CNTNAP2: variants seen among roughly 807,000 people sequenced by gnomAD.
CNTNAP2 encodes the protein contactin-associated protein-like 2.
In CNTNAP2, 98 loss-of-function variants were observed where a neutral mutation model predicts 155.2. That is an observed-to-expected ratio of 0.63 (90% CI 0.54 to 0.75). CNTNAP2 has a LOEUF of 0.75. Ranked by LOEUF, CNTNAP2 falls within the 30% of genes least tolerant of loss-of-function variation. The pLI is 0.00. For synonymous variants in CNTNAP2, 651 were observed against 631.2 expected (o/e 1.03, Z -0.47); for missense variants, 1,727 against 1,688.1 (o/e 1.02, Z -0.40).
chr7:147,208,748 A>G (rs1315749157), intron 8 of CNTNAP2, among the ~76,000 whole-genome samples: 2 of 152,070 alleles, frequency 1.3e-5, no homozygotes, highest in Admixed American at 6.6e-5. Context: ...TATGAAGGGC[A>G]TAATCAATGT....
At chr7:146,430,914 C>A (rs73738769) in intron 1 of CNTNAP2, among the ~76,000 whole-genome samples, 1 of 152,000 alleles carries the variant, frequency 6.6e-6, no homozygotes, top group South Asian at 2.1e-4. Context: ...AACAGTTAAT[C>A]TATTCGTCGT....
chr7:147,639,237 G>A lies in CNTNAP2; in HGVS notation c.2029G>A (p.Asp677Asn). 1 of 1,614,138 alleles carries A rather than the reference G, an allele frequency of 6.2e-7. No individual in the cohort carries two copies. The highest frequency in any genetic ancestry group is 8.5e-7 in the Non-Finnish European group (1 of 1,179,998). ...CATGGACCAGATAAGTGCCATCACT[G>A]ACAGTGCCGAGTACTGCGAGCAGTA... Reference protein sequence around the residue: ...ASMDQISAITDSAEYCEQYVS... With the variant: ...ASMDQISAITNSAEYCEQYVS... Residue 677 changes from aspartate to asparagine, a missense_variant, in exon 13 of 24, where the codon GAC becomes AAC. Physicochemically the swap from Asp to Asn is conservative, Grantham distance 23. Transcript: ENST00000361727.
chr7:146,300,856 A>G (rs1210699347), intron 1 of CNTNAP2, among the ~76,000 whole-genome samples: 1 of 152,168 alleles, frequency 6.6e-6, no homozygotes, highest in Non-Finnish European at 1.5e-5. Context: ...GTTAACTCTC[A>G]GTTTCCTGAC....
At chr7:148,327,696 C>G (rs575242264) in intron 21 of CNTNAP2, among the ~76,000 whole-genome samples, 120 of 152,294 alleles carry the variant, frequency 7.9e-4, no homozygotes, top group Middle Eastern at 3.4e-3. Flanking sequence ...AATAGACACT[C>G]ACTGTCTTGC....
chr7:146,570,164 C>T lies in CNTNAP2; in HGVS notation c.98-204107C>T, dbSNP rs1174397941. Among the ~76,000 whole-genome samples the T allele has an allele frequency of 2.6e-5, 4 of 152,192 alleles. No homozygotes were observed. In the South Asian group the frequency reaches 6.2e-4, roughly 24 times the overall value. On this transcript the variant is annotated intron_variant, in intron 1 of 23. Transcript: ENST00000361727. ...ACCTTATTACTACAGAAAAAAATTCCATGATGAAACCTGAAGTGCTTTAAT... is the reference window on the plus strand; with the variant it reads ...ACCTTATTACTACAGAAAAAAATTCTATGATGAAACCTGAAGTGCTTTAAT...
intron 21 of CNTNAP2, among the ~76,000 whole-genome samples, chr7:148,316,633 C>T (rs1369528136): frequency 6.6e-6 from 1 of 151,846 alleles, no homozygotes; most frequent in African/African-American, 2.4e-5. Flanking sequence ...TTGCAAGATC[C>T]AACACAAATT....
chr7:148,326,626 G>C (rs1402318024), intron 21 of CNTNAP2, among the ~76,000 whole-genome samples: 1 of 152,096 alleles, frequency 6.6e-6, no homozygotes, highest in Non-Finnish European at 1.5e-5. Flanking sequence ...CAGCACTTTC[G>C]GAGGCCAAGG....
At chr7:147,657,947 CA>C (rs1795549520) in intron 13 of CNTNAP2, among the ~76,000 whole-genome samples, 1 of 152,072 alleles carries the variant, frequency 6.6e-6, no homozygotes, top group African/African-American at 2.4e-5. Context: ...GTGAAGTTTC[CA>C]ACGCTGTCTC....
In CNTNAP2 at chr7:146,871,547, A is replaced by T. The variant is rs141490406; in HGVS notation, c.402+31643A>T. On this transcript the variant is annotated intron_variant, in intron 3 of 23. Transcript: ENST00000361727. ...TCCGTCTAAAAAAAAATAAATAAAT[A>T]AATTAAATAAATAAATTAAAAAATG... Among the ~76,000 whole-genome samples, 314 of 151,974 alleles carry T rather than the reference A, an allele frequency of 2.1e-3. 3 individuals are homozygous for T. The highest frequency in any genetic ancestry group is 0.01 in the Middle Eastern group (3 of 292).
intron 14 of CNTNAP2, among the ~76,000 whole-genome samples, chr7:147,924,329 G>A (rs570278882): frequency 1.3e-5 from 2 of 151,870 alleles, no homozygotes; most frequent in East Asian, 3.9e-4. Flanking sequence ...AGTAGAGACA[G>A]GGTTTCTCCA....
intron 1 of CNTNAP2, among the ~76,000 whole-genome samples, chr7:146,396,138 A>G (rs1300076470): frequency 6.6e-6 from 1 of 152,142 alleles, no homozygotes; most frequent in Non-Finnish European, 1.5e-5. Context: ...GTATTAAATA[A>G]TATTTCTACT....
chr7:147,541,489 G>A (rs1799638683), intron 11 of CNTNAP2, among the ~76,000 whole-genome samples: 2 of 152,160 alleles, frequency 1.3e-5, no homozygotes, highest in South Asian at 4.1e-4. Context: ...GTTACAGTGA[G>A]GGAGATAGAT....
chr7:146,906,963 T>C (rs1324264350), intron 3 of CNTNAP2, among the ~76,000 whole-genome samples: 71 of 147,744 alleles, frequency 4.8e-4, no homozygotes, highest in African/African-American at 1.7e-3. Context: ...TTAAAGGAGC[T>C]GATGGAGCTG....
chr7:146,755,608 A>C (rs1201966519), intron 1 of CNTNAP2, among the ~76,000 whole-genome samples: 1 of 152,058 alleles, frequency 6.6e-6, no homozygotes, highest in Non-Finnish European at 1.5e-5. Context: ...ATCAGTGTGC[A>C]TATTCTTATG....
chr7:148,230,286 G>A (rs997034121), intron 20 of CNTNAP2, among the ~76,000 whole-genome samples: 1 of 152,106 alleles, frequency 6.6e-6, no homozygotes, highest in African/African-American at 2.4e-5. Flanking sequence ...GTGGGCTTTC[G>A]GCACACAAAG....
chr7:146,617,814 G>T (rs957983436), intron 1 of CNTNAP2, among the ~76,000 whole-genome samples: 1 of 152,028 alleles, frequency 6.6e-6, no homozygotes, highest in African/African-American at 2.4e-5. Flanking sequence ...AAATTTCTCA[G>T]GTCCTGCATA....
chr7:147,187,469 G>T (rs1267707809), intron 8 of CNTNAP2, among the ~76,000 whole-genome samples: 1 of 152,130 alleles, frequency 6.6e-6, no homozygotes. Context: ...AAGCAACATG[G>T]ATGTAGCTGG....
At chr7:148,107,252 G>A (rs1563201583) in intron 15 of CNTNAP2, among the ~76,000 whole-genome samples, 1 of 152,114 alleles carries the variant, frequency 6.6e-6, no homozygotes, top group Non-Finnish European at 1.5e-5. Flanking sequence ...CCTGGCTATA[G>A]GTCAGCTCAC....
At chr7:146,713,656 A>G (rs1801136745) in intron 1 of CNTNAP2, among the ~76,000 whole-genome samples, 1 of 152,122 alleles carries the variant, frequency 6.6e-6, no homozygotes, top group Non-Finnish European at 1.5e-5. Flanking sequence ...TTCCTTTCCA[A>G]ATGTGATTCC....
Sources: gnomAD v4.1 joint callset for allele counts (sites outside exome capture counted in the v4.1 genomes callset) on GRCh38, gnomAD v4.1.1 for gene constraint, MANE v1.5 for transcripts, NCBI Gene and HGNC (gene_info 2026-07-23, HGNC 2026-07-21) for gene names.